The following LAMP1 variants were observed in gnomAD, a reference collection of about 807,000 sequenced individuals.
The protein encoded by LAMP1 is lysosome associated membrane protein 1.
Under a neutral mutation model 37.5 loss-of-function variants are expected in LAMP1, and 7 were observed. The observed-to-expected ratio is 0.19, with a 90% confidence interval of 0.11 to 0.35. The LOEUF (loss-of-function observed/expected upper bound fraction) is 0.35. Among genes scored for constraint, LAMP1 ranks in the 10% least tolerant of loss-of-function variants. The probability of loss-of-function intolerance (pLI) is 1.00; values close to 1 mark genes in which losing one functional copy is unlikely to be tolerated. For missense variants in LAMP1, 537 were observed against 552.8 expected (o/e 0.97, Z 0.29); for synonymous variants, 236 against 229.1 (o/e 1.03, Z -0.27).
intron 4 of LAMP1, 65 bp from the exon 5 acceptor site, chr13:113,319,404 T>C: frequency 7.1e-7 from 1 of 1,415,886 alleles, no homozygotes; most frequent in South Asian, 1.3e-5. Flanking sequence ...TGAGTTTGGA[T>C]CTTACTGTAA....
intron 1 of LAMP1, among the ~76,000 whole-genome samples, chr13:113,298,690 T>A (rs573530111): frequency 6.6e-6 from 1 of 152,204 alleles, no homozygotes; most frequent in Non-Finnish European, 1.5e-5. Context: ...CTTATTCCAA[T>A]AGTAAGCCTG....
At chr13:113,312,917 T>G (rs760345167) in intron 4 of LAMP1, among the ~76,000 whole-genome samples, 1 of 152,042 alleles carries the variant, frequency 6.6e-6, no homozygotes. Context: ...GTGTTCACGG[T>G]TATCGATTTC....
intron 8 of LAMP1, 29 bp from the exon 9 acceptor site, chr13:113,322,253 G>A: frequency 6.3e-7 from 1 of 1,597,284 alleles, no homozygotes. Flanking sequence ...TGTGAGCAGA[G>A]CCCTGACACC....
intron 4 of LAMP1, among the ~76,000 whole-genome samples, chr13:113,311,309 A>C (rs1268569668): frequency 6.6e-6 from 1 of 151,990 alleles, no homozygotes; most frequent in Non-Finnish European, 1.5e-5. Context: ...GTAGATTTTA[A>C]CTCTTCTCAC....
chr13:113,322,649 A>G lies in LAMP1; in HGVS notation c.*228A>G. On this transcript the variant is annotated 3_prime_UTR_variant, in exon 9 of 9. Transcript: ENST00000332556. ...TTTTGCTAACTGGTTAAACATTAATATTTACCAAAGTAGGATTTTGAGGGT... is the reference window on the plus strand; with the variant it reads ...TTTTGCTAACTGGTTAAACATTAATGTTTACCAAAGTAGGATTTTGAGGGT... The G allele has an allele frequency of 4.9e-6, 1 of 206,108 alleles. No homozygotes were observed. The highest frequency in any genetic ancestry group is 9.5e-6 in the Non-Finnish European group (1 of 104,948). 12.8% of individuals were successfully genotyped at this position (206,108 alleles called of 1,614,324 possible). A position where few individuals can be genotyped will look rare whatever the true frequency, so the allele number is the denominator to read the frequency against.
In LAMP1 at chr13:113,310,844, C is replaced by T; in HGVS notation, c.539C>T (p.Ser180Phe). The change falls in exon 4 of 9, where the codon TCC becomes TTC. Residue 180 changes from serine to phenylalanine, a missense_variant. Ser to Phe is a radical substitution (Grantham distance 155). Transcript: ENST00000332556. ...GATGCCACCATCCAGGCGTACCTTT[C>T]CAACAGCAGCTTCAGCCGGGGAGGT... is the stretch of plus-strand genomic sequence containing the variant. ...LHDATIQAYL[S>F]NSSFSRGETR... is the part of the protein sequence containing the mutation. 6.2e-7 allele frequency: 1 copy of T among 1,613,614 alleles called. No individual in the cohort carries two copies. Among genetic ancestry groups the T allele is most frequent in the East Asian group, 2.2e-5 (1 of 44,868 alleles).
rs1490872864 is a variant in LAMP1 at position 113,320,314 on chromosome 13, G to C, written c.751-31G>C. On this transcript the variant is annotated intron_variant, in intron 5 of 8. Coordinates refer to ENST00000332556, the MANE Select transcript of LAMP1 (RefSeq NM_005561.4). This position sits in a 1 kb window ranked among gnomAD's most constrained non-coding sequence, Gnocchi z 4.4. ...TCGAGAGTGTGGAGGACCTGAGCTA[G>C]GGTGGTGACTTGCTTGCTTGTCTTA... 7 of 1,613,602 alleles carry C rather than the reference G, an allele frequency of 4.3e-6. No homozygotes were observed. The Middle Eastern group carries it at 4.9e-4, about 114-fold the overall frequency.
At chr13:113,304,906 C>G (rs1031595608) in intron 1 of LAMP1, 1 of 152,194 alleles carries the variant, frequency 6.6e-6, no homozygotes, top group Non-Finnish European at 1.5e-5. Context: ...CCACCTGCCT[C>G]AGCTTCCCAC....
At chr13:113,299,134 C>T (rs934321222) in intron 1 of LAMP1, among the ~76,000 whole-genome samples, 5 of 151,450 alleles carry the variant, frequency 3.3e-5, no homozygotes, top group African/African-American at 9.7e-5. Flanking sequence ...AGGGAGACTC[C>T]GTCTCAAAAC....
Position 113,298,659 on chromosome 13 carries a change from C to T in LAMP1, c.61+1164C>T, listed in dbSNP as rs536819313. 3.3e-5 allele frequency among the ~76,000 whole-genome samples: 5 copies of T among 152,284 alleles called. No individual in the cohort carries two copies. In the South Asian group the frequency reaches 8.3e-4, roughly 25 times the overall value. ...GTGTAAAATGAATTCTTTGAACTGC[C>T]TGAATAGCCACAGAGATGAACTTAT... On this transcript the variant is annotated intron_variant, in intron 1 of 8. Transcript: ENST00000332556.
chr13:113,306,202 C>G (rs1189412563), intron 1 of LAMP1: 1 of 240,754 alleles, frequency 4.2e-6, no homozygotes, highest in Non-Finnish European at 8.3e-6. Flanking sequence ...CTACTAAAAA[C>G]AGAAATTAGC....
chr13:113,316,850 G>A (rs2042668086), intron 4 of LAMP1, among the ~76,000 whole-genome samples: 1 of 150,634 alleles, frequency 6.6e-6, no homozygotes, highest in South Asian at 2.1e-4. Context: ...AGCCTGGGTG[G>A]CAGAGCAACT....
At position 113,321,319 on chromosome 13, in the gene LAMP1, G is replaced by A. The variant is rs2042697679; in HGVS notation, c.877-85G>A. ...TATTACCCAATGACCATTCACGTTTGATGATAAATGTGTGAATCTACTGGG... is the reference window on the plus strand; with the variant it reads ...TATTACCCAATGACCATTCACGTTTAATGATAAATGTGTGAATCTACTGGG... On this transcript the variant is annotated intron_variant, in intron 6 of 8. Transcript: ENST00000332556. The surrounding 1 kb of genome is among the most constrained non-coding windows in gnomAD (Gnocchi z 5.6). The A allele has an allele frequency of 1.8e-6, 2 of 1,093,474 alleles. No homozygotes were observed. Among genetic ancestry groups the A allele is most frequent in the Non-Finnish European group, 2.8e-6 (2 of 706,008 alleles). The allele number at this position is 1,093,474 out of a possible 1,614,324, so 67.7% of individuals were successfully genotyped here. A position where few individuals can be genotyped will look rare whatever the true frequency, so the allele number is the denominator to read the frequency against.
chr13:113,298,835 G>C (rs1595455490), intron 1 of LAMP1, among the ~76,000 whole-genome samples: 1 of 152,194 alleles, frequency 6.6e-6, no homozygotes, highest in South Asian at 2.1e-4. Context: ...TTGATGTTTT[G>C]TTTCATGTTT....
At chr13:113,308,591 C>G (rs999445806) in intron 2 of LAMP1, among the ~76,000 whole-genome samples, 6 of 152,116 alleles carry the variant, frequency 3.9e-5, no homozygotes, top group African/African-American at 9.7e-5. Context: ...TCCCCAAGTG[C>G]TGGGATTACA....
chr13:113,321,265 C>A lies in LAMP1; in HGVS notation c.877-139C>A. ...AGACAAGATCTTTTGCAGTTTTGTT[C>A]TAATACTAGAAATGTAGGAAGTCAG... is the stretch of plus-strand genomic sequence containing the variant. On this transcript the variant is annotated intron_variant, in intron 6 of 8. Coordinates refer to ENST00000332556, the MANE Select transcript of LAMP1 (RefSeq NM_005561.4). The surrounding 1 kb of genome is among the most constrained non-coding windows in gnomAD (Gnocchi z 5.6). 1.3e-6 allele frequency: 1 copy of A among 759,524 alleles called. No homozygotes were observed. The highest frequency in any genetic ancestry group is 2.3e-6 in the Non-Finnish European group (1 of 434,182). The allele number at this position is 759,524 out of a possible 1,614,324, so 47.0% of individuals were successfully genotyped here.
At position 113,297,599 on chromosome 13, in the gene LAMP1, C is replaced by T; in HGVS notation, c.61+104C>T. 3.8e-6 allele frequency: 4 copies of T among 1,059,874 alleles called. No homozygotes were observed. Among genetic ancestry groups the T allele is most frequent in the Non-Finnish European group, 4.7e-6 (4 of 846,326 alleles). 65.7% of individuals were successfully genotyped at this position (1,059,874 alleles called of 1,614,324 possible). ...GCCGGGTCGTTGTCCCGCGGGTCGC[C>T]CCGCACCCACTGCTCCTGGTCCCGG... On this transcript the variant is annotated intron_variant, in intron 1 of 8. Transcript: ENST00000332556. This position sits in a 1 kb window ranked among gnomAD's most constrained non-coding sequence, Gnocchi z 4.4.
intron 4 of LAMP1, among the ~76,000 whole-genome samples, chr13:113,315,032 C>T (rs2042653647): frequency 7.7e-6 from 1 of 130,512 alleles, no homozygotes; most frequent in Non-Finnish European, 1.6e-5. Context: ...TGGGGCGTGG[C>T]CTCCTGGAGG....
In LAMP1 at chr13:113,321,473, G is replaced by A. The variant is rs1354111643; in HGVS notation, c.943+3G>A. 3 of 1,614,070 alleles carry A rather than the reference G, an allele frequency of 1.9e-6. No individual in the cohort carries two copies. Among genetic ancestry groups the A allele is most frequent in the Non-Finnish European group, 1.7e-6 (2 of 1,179,936 alleles). ...TACAATTCTTCCTGACGCCAGAGGT[G>A]AGAACCCACAATCTCTGCGAGCCCC... On this transcript the variant is annotated splice_donor_region_variant and intron_variant, in intron 7 of 8. Transcript: ENST00000332556. The surrounding 1 kb of genome is among the most constrained non-coding windows in gnomAD (Gnocchi z 5.6).
Sources: gnomAD v4.1 joint callset for allele counts (sites outside exome capture counted in the v4.1 genomes callset) on GRCh38, gnomAD v4.1.1 for gene constraint, Gnocchi (gnomAD v3.1) non-coding constraint, MANE v1.5 for transcripts, NCBI Gene and HGNC (gene_info 2026-07-23, HGNC 2026-07-21) for gene names.